Variants in ADCY2 observed in about 807,000 individuals in gnomAD.
ADCY2 encodes the protein adenylate cyclase 2.
In ADCY2, 31 loss-of-function variants were observed where a neutral mutation model predicts 125.2. That is an observed-to-expected ratio of 0.25 (90% CI 0.19 to 0.33). The LOEUF is 0.33. ADCY2 is among the 10% of genes least tolerant of loss of function. The pLI, the probability that ADCY2 is intolerant of heterozygous loss-of-function variation, is 1.00. For missense variants in ADCY2, 904 were observed against 1,418.2 expected (o/e 0.64, Z 5.82); for synonymous variants, 512 against 548.4 (o/e 0.93, Z 0.93).
At chr5:7,588,306 T>C (rs1408287505) in intron 3 of ADCY2, among the ~76,000 whole-genome samples, 1 of 152,208 alleles carries the variant, frequency 6.6e-6, no homozygotes, top group South Asian at 2.1e-4. Flanking sequence ...ATAGGAAATG[T>C]GGACATACCA....
intron 3 of ADCY2, among the ~76,000 whole-genome samples, chr5:7,589,390 A>G (rs1222688352): frequency 2.0e-5 from 3 of 150,320 alleles, no homozygotes; most frequent in Non-Finnish European, 1.5e-5. Flanking sequence ...AAAAAAAAAG[A>G]AAGAAAGAAG....
intron 12 of ADCY2, among the ~76,000 whole-genome samples, chr5:7,720,186 C>T (rs1028159832): frequency 6.6e-6 from 1 of 152,136 alleles, no homozygotes; most frequent in African/African-American, 2.4e-5. Context: ...CTCTCCCCTC[C>T]ACTGATCTTG....
At chr5:7,407,056 T>C (rs955704560) in intron 1 of ADCY2, among the ~76,000 whole-genome samples, 1 of 152,220 alleles carries the variant, frequency 6.6e-6, no homozygotes, top group Admixed American at 6.5e-5. Flanking sequence ...TCCATTTGGT[T>C]TTCAACAATG....
At chr5:7,571,799 C>T (rs373615935) in intron 3 of ADCY2, among the ~76,000 whole-genome samples, 3 of 152,154 alleles carry the variant, frequency 2.0e-5, no homozygotes, top group South Asian at 2.1e-4. Flanking sequence ...CAACTCCCAC[C>T]CTCCAATAGG....
intron 3 of ADCY2, among the ~76,000 whole-genome samples, chr5:7,572,162 G>A (rs1736087199): frequency 6.6e-6 from 1 of 152,142 alleles, no homozygotes; most frequent in African/African-American, 2.4e-5. Flanking sequence ...ACCTAGTAAT[G>A]GGATTGCTGG....
intron 6 of ADCY2, among the ~76,000 whole-genome samples, 187 bp downstream of exon 6, chr5:7,696,050 C>T (rs762916633): frequency 2.6e-5 from 4 of 152,308 alleles, no homozygotes; most frequent in Non-Finnish European, 2.9e-5. Context: ...GATGAAAAAA[C>T]GCCATGGCAT....
intron 2 of ADCY2, among the ~76,000 whole-genome samples, chr5:7,502,998 T>G (rs149668740): frequency 1.3e-5 from 2 of 152,348 alleles, no homozygotes; most frequent in South Asian, 2.1e-4. Flanking sequence ...CTGCAACTCC[T>G]GTGCCTTTGT....
rs7720767 is a variant in ADCY2 at position 7,546,281 on chromosome 5, C to A, written c.570+25382C>A. On this transcript the variant is annotated intron_variant, in intron 3 of 24. Transcript: ENST00000338316. ...AGAGTTGGCTTTGAATGAATGGTAA[C>A]GCATGACTAAATACATCGATGATAA... is the stretch of plus-strand genomic sequence containing the variant. 4.6e-5 allele frequency among the ~76,000 whole-genome samples: 7 copies of A among 152,188 alleles called. No homozygotes were observed. In the East Asian group the frequency reaches 1.4e-3, roughly 29 times the overall value.
At chr5:7,820,408 C>T (rs528375509) in intron 23 of ADCY2, among the ~76,000 whole-genome samples, 157 bp from the exon 24 acceptor site, 16 of 152,150 alleles carry the variant, frequency 1.1e-4, no homozygotes, top group African/African-American at 2.9e-4. Context: ...GTGGCAGGAT[C>T]GCTTGAGCCT....
At chr5:7,482,909 C>T (rs184094860) in intron 2 of ADCY2, among the ~76,000 whole-genome samples, 1 of 151,614 alleles carries the variant, frequency 6.6e-6, no homozygotes, top group Non-Finnish European at 1.5e-5. Flanking sequence ...TGACATAAGC[C>T]GGGCACAGAA....
At chr5:7,660,281 AAG>A (rs1459400567) in intron 4 of ADCY2, among the ~76,000 whole-genome samples, 2 of 151,250 alleles carry the variant, frequency 1.3e-5, no homozygotes, top group East Asian at 3.9e-4. Flanking sequence ...GGAAGGAAGG[AAG>A]GAAGGAAGGA....
chr5:7,785,240 T>C (rs953489522), intron 19 of ADCY2, among the ~76,000 whole-genome samples: 4 of 152,228 alleles, frequency 2.6e-5, no homozygotes, highest in Non-Finnish European at 2.9e-5. Context: ...TGAGTTTGGG[T>C]CTGGCTTCCA....
intron 14 of ADCY2, among the ~76,000 whole-genome samples, chr5:7,729,677 GC>G (rs1742039056): frequency 6.7e-6 from 1 of 150,202 alleles, no homozygotes; most frequent in Non-Finnish European, 1.5e-5. Context: ...AGGCAGAGCA[GC>G]CTGTTTATTC....
At chr5:7,497,257 C>T (rs140914648) in intron 2 of ADCY2, among the ~76,000 whole-genome samples, 1 of 151,978 alleles carries the variant, frequency 6.6e-6, no homozygotes, top group South Asian at 2.1e-4. Flanking sequence ...ATAACCAGGG[C>T]AGTTATATAA....
intron 4 of ADCY2, among the ~76,000 whole-genome samples, chr5:7,630,942 C>T (rs1279654606): frequency 6.6e-6 from 1 of 151,990 alleles, no homozygotes; most frequent in East Asian, 1.9e-4. Flanking sequence ...TGTCCACCAC[C>T]ACACCTGGCT....
chr5:7,746,409 T>G (rs1174043208), intron 15 of ADCY2: 2 of 152,230 alleles, frequency 1.3e-5, no homozygotes, highest in Admixed American at 1.3e-4. Context: ...CCTTTTTTAC[T>G]GTTTAAATCA....
At position 7,805,161 on chromosome 5, in the gene ADCY2, C is replaced by CAAAA. The variant is rs35073546; in HGVS notation, c.2883+478_2883+481dup. 5.0e-3 allele frequency among the ~76,000 whole-genome samples: 703 copies of CAAAA among 141,672 alleles called. 6 individuals are homozygous for CAAAA. Among genetic ancestry groups the CAAAA allele is most frequent in the African/African-American group, 0.017 (649 of 39,098 alleles). 92.9% of individuals were successfully genotyped at this position (141,672 alleles called of 152,430 possible). A position where few individuals can be genotyped will look rare whatever the true frequency, so the allele number is the denominator to read the frequency against. On this transcript the variant is annotated intron_variant, in intron 22 of 24. Transcript: ENST00000338316. The stretch of plus-strand genomic sequence containing the variant: ...TGAAACCCCGTCTTTACCAAAAATA[C>CAAAA]AAAAAAAAAAAATAGCCAGGTGTGG...
chr5:7,817,823 C>CAAAAA (rs57731885), intron 23 of ADCY2, among the ~76,000 whole-genome samples: 189 of 78,286 alleles, frequency 2.4e-3, no homozygotes, highest in East Asian at 4.1e-3. Context: ...ACGCTGTCAC[C>CAAAAA]AAAAAAAAAA....
intron 2 of ADCY2, among the ~76,000 whole-genome samples, chr5:7,494,187 T>C (rs560257751): frequency 2.6e-5 from 4 of 152,192 alleles, no homozygotes; most frequent in South Asian, 2.1e-4. Flanking sequence ...GGTCCACCCA[T>C]CCAGGGGAAT....
Sources: gnomAD v4.1 joint callset for allele counts (sites outside exome capture counted in the v4.1 genomes callset) on GRCh38, gnomAD v4.1.1 for gene constraint, MANE v1.5 for transcripts, NCBI Gene and HGNC (gene_info 2026-07-23, HGNC 2026-07-21) for gene names.